The following TMEM71 variants were observed in gnomAD, a reference collection of about 807,000 sequenced individuals.
TMEM71 encodes the protein transmembrane protein 71.
A neutral mutation model predicts 38.0 loss-of-function variants in TMEM71; 44 were observed. That is an observed-to-expected ratio of 1.16 (90% confidence interval 0.91 to 1.49). The LOEUF (loss-of-function observed/expected upper bound fraction) is 1.49. TMEM71 is among the 40% of genes most tolerant of loss of function. The pLI is 0.00. For synonymous variants in TMEM71, 133 were observed against 122.5 expected, an observed-to-expected ratio of 1.09 and a Z score of -0.56; for missense variants, 367 against 348.6, an observed-to-expected ratio of 1.05 and a Z score of -0.42.
At chr8:132,774,564 C>T in the TMEM71 span, among the ~76,000 whole-genome samples, 2 of 152,214 alleles carry the variant, frequency 1.3e-5, no homozygotes, top group Admixed American at 6.5e-5. Context: ...ATATAAGTGA[C>T]ATTTGTATGC....
At chr8:132,733,748 C>G (rs1241709376) in intron 5 of TMEM71, among the ~76,000 whole-genome samples, 1 of 152,092 alleles carries the variant, frequency 6.6e-6, no homozygotes, top group East Asian at 1.9e-4. Context: ...GCGGAAGCAG[C>G]CTAAGTATCC....
chr8:132,732,621 C>T (rs935875388), intron 5 of TMEM71, among the ~76,000 whole-genome samples: 1 of 152,136 alleles, frequency 6.6e-6, no homozygotes, highest in Admixed American at 6.5e-5. Flanking sequence ...TGTTAAAATG[C>T]TCACTCAGCA....
At chr8:132,766,191 C>A in the TMEM71 span, among the ~76,000 whole-genome samples, 1 of 152,082 alleles carries the variant, frequency 6.6e-6, no homozygotes, top group Non-Finnish European at 1.5e-5. Flanking sequence ...CCCTTTCTTG[C>A]GGCAGAGGGA....
At chr8:132,712,825 CTTTTTCT>C (rs202231398) in intron 9 of TMEM71, among the ~76,000 whole-genome samples, 5,054 of 152,028 alleles carry the variant, frequency 0.033, 262 homozygotes, top group African/African-American at 0.11. Context: ...TCATTAACTC[CTTTTTCT>C]TTTTTCTTTT....
chr8:132,718,490 C>T (rs960322098), intron 7 of TMEM71, among the ~76,000 whole-genome samples: 6 of 151,434 alleles, frequency 4.0e-5, no homozygotes, highest in Admixed American at 1.3e-4. Flanking sequence ...ATCCACCTCC[C>T]GGGTTCACAC....
intron 5 of TMEM71, among the ~76,000 whole-genome samples, chr8:132,742,276 G>A (rs2739020): frequency 0.33 from 49,957 of 151,982 alleles, 10,181 homozygotes; most frequent in South Asian, 0.5. Flanking sequence ...TTGTGTCCTC[G>A]GTCTCTTGCC....
chr8:132,714,682 CAATCCATG>C (rs375361656), intron 7 of TMEM71, among the ~76,000 whole-genome samples: 3,382 of 152,186 alleles, frequency 0.022, 128 homozygotes, highest in African/African-American at 0.077. Context: ...ACCAAATGCA[CAATCCATG>C]AAAGAAGAGA....
At chr8:132,718,253 T>C (rs983807487) in intron 7 of TMEM71, among the ~76,000 whole-genome samples, 1 of 152,148 alleles carries the variant, frequency 6.6e-6, no homozygotes, top group Admixed American at 6.5e-5. Flanking sequence ...ATACAATGAA[T>C]AGCATTTTTT....
At chr8:132,706,996 A>C (rs535475956), downstream of TMEM71, among the ~76,000 whole-genome samples, 225 of 152,344 alleles carry the variant, frequency 1.5e-3, no homozygotes, top group African/African-American at 5.2e-3. Flanking sequence ...TCAGTTGGCA[A>C]GAAATACAGA....
chr8:132,721,037 AT>A (rs1826813272), intron 7 of TMEM71, among the ~76,000 whole-genome samples: 1 of 152,226 alleles, frequency 6.6e-6, no homozygotes, highest in Non-Finnish European at 1.5e-5. Flanking sequence ...AAAGAGTGGC[AT>A]GCTATTTATA....
chr8:132,726,934 C>A (rs1369487466), intron 6 of TMEM71, among the ~76,000 whole-genome samples: 1 of 151,502 alleles, frequency 6.6e-6, no homozygotes. Flanking sequence ...CGACTCACTG[C>A]AACCTCCACC....
chr8:132,756,796 C>G (rs1281760846), intron 3 of TMEM71, among the ~76,000 whole-genome samples: 1 of 151,834 alleles, frequency 6.6e-6, no homozygotes, highest in Non-Finnish European at 1.5e-5. Context: ...CATGTTTTAC[C>G]CAGGCTGGAC....
intron 4 of TMEM71, among the ~76,000 whole-genome samples, chr8:132,750,531 CA>C (rs1363190848): frequency 6.6e-6 from 1 of 152,144 alleles, no homozygotes; most frequent in African/African-American, 2.4e-5. Context: ...TACTTGATTC[CA>C]ACTGAAGCCA....
chr8:132,746,377 A>G (rs1420040360), intron 5 of TMEM71, among the ~76,000 whole-genome samples: 2 of 18,598 alleles, frequency 1.1e-4, no homozygotes, highest in East Asian at 1.9e-3. Flanking sequence ...ATATATATAC[A>G]TATATATATA....
intron 5 of TMEM71, among the ~76,000 whole-genome samples, chr8:132,743,441 T>C (rs1828160833): frequency 6.6e-6 from 1 of 152,188 alleles, no homozygotes. Flanking sequence ...TTGCCATTGC[T>C]GAGTACTCCC....
chr8:132,711,561 G>C (rs368287510), intron 9 of TMEM71, among the ~76,000 whole-genome samples: 32 of 152,090 alleles, frequency 2.1e-4, no homozygotes, highest in African/African-American at 7.2e-4. Context: ...GACCCATTTT[G>C]TTACTATGAA....
intron 5 of TMEM71, among the ~76,000 whole-genome samples, chr8:132,742,595 G>T (rs1461814971): frequency 1.3e-5 from 2 of 152,188 alleles, no homozygotes; most frequent in Non-Finnish European, 2.9e-5. Flanking sequence ...ATTTCTCAAG[G>T]TTAGGGTCAT....
intron 5 of TMEM71, among the ~76,000 whole-genome samples, chr8:132,729,142 A>G (rs1262519821): frequency 2.0e-5 from 3 of 152,368 alleles, no homozygotes; most frequent in Middle Eastern, 6.8e-3. Flanking sequence ...ATGATTCCTC[A>G]TAACACTTGG....
chr8:132,765,251 G>A (rs1417804832), upstream of TMEM71, among the ~76,000 whole-genome samples: 1 of 152,198 alleles, frequency 6.6e-6, no homozygotes, highest in Non-Finnish European at 1.5e-5. Flanking sequence ...AAGTGGAGCT[G>A]AAGCTGTGTG....
Sources: allele counts gnomAD v4.1 joint callset (sites outside exome capture counted in the v4.1 genomes callset), GRCh38; gene constraint gnomAD v4.1.1; transcripts MANE v1.5; gene names NCBI Gene and HGNC (gene_info 2026-07-23, HGNC 2026-07-21).